Variants in KCNT2 observed in about 807,000 individuals in gnomAD.
KCNT2 encodes the protein potassium channel subfamily T member 2.
KCNT2 carries 67 observed loss-of-function variants against 153.8 expected under a neutral mutation model. The ratio of observed to expected loss-of-function variants is 0.44; its 90% confidence interval spans 0.36 to 0.53. The LOEUF (loss-of-function observed/expected upper bound fraction) is 0.53. Among genes scored for constraint, KCNT2 ranks in the 20% least tolerant of loss-of-function variants. The probability of loss-of-function intolerance (pLI) is 0.00; values close to 1 mark genes in which losing one functional copy is unlikely to be tolerated. For missense variants in KCNT2, 975 were observed against 1,354.8 expected (o/e 0.72, Z 4.40); for synonymous variants, 500 against 458.8 (o/e 1.09, Z -1.15).
intron 27 of KCNT2, 63 bp downstream of exon 27, chr1:196,235,923 T>A: frequency 9.8e-7 from 1 of 1,015,894 alleles, no homozygotes; most frequent in Non-Finnish European, 1.5e-6. Flanking sequence ...TAAATATAAG[T>A]ACAAAAATAA....
intron 8 of KCNT2, among the ~76,000 whole-genome samples, chr1:196,434,138 C>T (rs1386789921): frequency 6.6e-6 from 1 of 151,874 alleles, no homozygotes; most frequent in South Asian, 2.1e-4. Context: ...AAACTAATTA[C>T]GAGAATATTC....
At chr1:196,407,743 C>A (rs1671948673) in intron 12 of KCNT2, among the ~76,000 whole-genome samples, 1 of 151,424 alleles carries the variant, frequency 6.6e-6, no homozygotes, top group Non-Finnish European at 1.5e-5. Flanking sequence ...TGTTTGCTTT[C>A]TTTTCTAAGA....
At chr1:196,461,308 G>T (rs1238570779) in intron 8 of KCNT2, among the ~76,000 whole-genome samples, 1 of 151,520 alleles carries the variant, frequency 6.6e-6, no homozygotes, top group African/African-American at 2.4e-5. Flanking sequence ...CAATAAATGA[G>T]TTTATTTTGT....
intron 1 of KCNT2, among the ~76,000 whole-genome samples, chr1:196,509,161 C>T (rs201740661): frequency 4.7e-5 from 7 of 149,678 alleles, no homozygotes; most frequent in Non-Finnish European, 7.4e-5. Flanking sequence ...CCTAGCTACT[C>T]GGGAGGCTGA....
intron 12 of KCNT2, among the ~76,000 whole-genome samples, chr1:196,418,488 C>T (rs1672931891): frequency 6.6e-6 from 1 of 151,692 alleles, no homozygotes; most frequent in South Asian, 2.1e-4. Flanking sequence ...ACAACAACAA[C>T]AAAAACAACT....
At chr1:196,378,896 C>T (rs1354235832) in intron 13 of KCNT2, among the ~76,000 whole-genome samples, 3 of 149,142 alleles carry the variant, frequency 2.0e-5, no homozygotes, top group African/African-American at 7.4e-5. Flanking sequence ...AAACTACTAC[C>T]TCCCCCAGTA....
intron 14 of KCNT2, among the ~76,000 whole-genome samples, chr1:196,366,681 C>T (rs1468979044): frequency 6.6e-6 from 1 of 152,186 alleles, no homozygotes; most frequent in African/African-American, 2.4e-5. Context: ...ATTGCCCTTC[C>T]CTACTTAATT....
intron 1 of KCNT2, among the ~76,000 whole-genome samples, chr1:196,590,393 G>A (rs1364207694): frequency 6.6e-6 from 1 of 152,168 alleles, no homozygotes; most frequent in African/African-American, 2.4e-5. Context: ...TTAACAAGCA[G>A]GACAGATTCT....
intron 25 of KCNT2, among the ~76,000 whole-genome samples, chr1:196,274,987 C>G (rs1658419255): frequency 6.6e-6 from 1 of 151,774 alleles, no homozygotes; most frequent in Admixed American, 6.6e-5. Flanking sequence ...CCAGTGGAAC[C>G]TAGGTAGCCT....
intron 14 of KCNT2, among the ~76,000 whole-genome samples, chr1:196,371,455 T>C (rs1029670599): frequency 6.6e-6 from 1 of 152,020 alleles, no homozygotes; most frequent in Non-Finnish European, 1.5e-5. Context: ...AATATACTTT[T>C]AACATATTGA....
chr1:196,555,446 G>C (rs1044589997), intron 1 of KCNT2, among the ~76,000 whole-genome samples: 1 of 151,016 alleles, frequency 6.6e-6, no homozygotes, highest in Non-Finnish European at 1.5e-5. Context: ...TGTAACCAAA[G>C]AAGTGAAAGA....
intron 8 of KCNT2, among the ~76,000 whole-genome samples, chr1:196,439,058 T>C (rs1022797162): frequency 2.0e-5 from 3 of 151,910 alleles, no homozygotes; most frequent in Non-Finnish European, 4.4e-5. Context: ...CATTCACATA[T>C]TTATCTTTTT....
intron 16 of KCNT2, among the ~76,000 whole-genome samples, chr1:196,337,293 A>G (rs957828089): frequency 6.6e-6 from 1 of 151,902 alleles, no homozygotes; most frequent in African/African-American, 2.4e-5. Context: ...TTTTGTAAGG[A>G]ATCCTGATTA....
rs146405222 is a variant in KCNT2, at chr1:196,586,983, C to T, written c.95+21232G>A. On this transcript the variant is annotated intron_variant, in intron 1 of 27. Transcript: ENST00000294725. The stretch of plus-strand genomic sequence containing the variant: ...ATTAGCATAATATCATTCAAATGGA[C>T]TGAGTTTATGAAACATGAAGAGCAA... Among the ~76,000 whole-genome samples the T allele has an allele frequency of 8.8e-4, 134 of 152,118 alleles. 1 individual carries two copies. Among genetic ancestry groups the T allele is most frequent in the Admixed American group, 3.6e-3 (55 of 15,260 alleles).
At chr1:196,492,193 G>C (rs1403670476) in intron 2 of KCNT2, 69 bp downstream of exon 2, 1 of 1,328,100 alleles carries the variant, frequency 7.5e-7, no homozygotes, top group Non-Finnish European at 9.8e-7. Context: ...TTTTGCAAAA[G>C]ATCACACAGT....
chr1:196,253,529 A>G (rs1656178700), intron 26 of KCNT2, among the ~76,000 whole-genome samples: 2 of 151,380 alleles, frequency 1.3e-5, no homozygotes, highest in Non-Finnish European at 3.0e-5. Flanking sequence ...ATTTATTTTT[A>G]TACTGGTTAT....
chr1:196,350,574 T>C (rs1419063007), intron 14 of KCNT2, among the ~76,000 whole-genome samples: 1 of 152,178 alleles, frequency 6.6e-6, no homozygotes, highest in Non-Finnish European at 1.5e-5. Flanking sequence ...TGTAAATTTG[T>C]TTGAGTTCAT....
intron 1 of KCNT2, among the ~76,000 whole-genome samples, chr1:196,557,397 A>T (rs1052897840): frequency 1.3e-5 from 2 of 151,316 alleles, no homozygotes; most frequent in South Asian, 4.1e-4. Context: ...CATAATTTTG[A>T]ATGAGGATTT....
At chr1:196,343,963 A>G (rs1326325882) in intron 14 of KCNT2, among the ~76,000 whole-genome samples, 1 of 152,082 alleles carries the variant, frequency 6.6e-6, no homozygotes, top group African/African-American at 2.4e-5. Context: ...TATTTTTAGT[A>G]GAGATGGGGT....
Sources: allele counts gnomAD v4.1 joint callset (sites outside exome capture counted in the v4.1 genomes callset), GRCh38; gene constraint gnomAD v4.1.1; transcripts MANE v1.5; gene names NCBI Gene and HGNC (gene_info 2026-07-23, HGNC 2026-07-21).